Variants in TPRA1 observed in about 807,000 individuals in gnomAD.
TPRA1 encodes the protein transmembrane protein adipocyte associated 1.
TPRA1 carries 28 observed loss-of-function variants against 40.1 expected under a neutral mutation model. That is an observed-to-expected ratio of 0.70 (90% confidence interval 0.52 to 0.96). The LOEUF (loss-of-function observed/expected upper bound fraction) is 0.96. Among genes scored for constraint, TPRA1 ranks in the 40% least tolerant of loss-of-function variants. The pLI, the probability that TPRA1 is intolerant of heterozygous loss-of-function variation, is 0.00. For missense variants in TPRA1, 441 were observed against 482.6 expected, an observed-to-expected ratio of 0.91 and a Z score of 0.81; for synonymous variants, 219 against 209.7, an observed-to-expected ratio of 1.04 and a Z score of -0.38.
intron 1 of TPRA1, among the ~76,000 whole-genome samples, chr3:127,581,389 T>C (rs2073826109): frequency 6.6e-6 from 1 of 151,932 alleles, no homozygotes; most frequent in African/African-American, 2.4e-5. Context: ...CTCTCAGAAG[T>C]GATATAGCGT....
chr3:127,575,055 T>A, intron 10 of TPRA1, 130 bp downstream of exon 10: 3 of 959,008 alleles, frequency 3.1e-6, no homozygotes, highest in South Asian at 1.6e-5. Flanking sequence ...CCCAAGTGCA[T>A]GTATGTATGT....
intron 1 of TPRA1, among the ~76,000 whole-genome samples, chr3:127,584,930 T>C (rs903799726): frequency 2.0e-5 from 3 of 152,006 alleles, no homozygotes; most frequent in African/African-American, 4.8e-5. Flanking sequence ...GATACGACAG[T>C]GGGAGCAAGA....
intron 10 of TPRA1, 73 bp from the exon 11 acceptor site, chr3:127,573,861 G>A (rs2073470978): frequency 2.7e-6 from 4 of 1,490,148 alleles, no homozygotes; most frequent in African/African-American, 1.4e-5. Context: ...CCAGGCTGAT[G>A]GGGCCACCAG....
upstream of TPRA1, among the ~76,000 whole-genome samples, chr3:127,593,984 G>A (rs116112193): frequency 5.0e-3 from 760 of 152,342 alleles, 6 homozygotes; most frequent in African/African-American, 0.017. Context: ...CCATCTGAAC[G>A]TCTTGCAGAA....
chr3:127,577,097 G>T, intron 3 of TPRA1, 21 bp from the exon 4 acceptor site: 1 of 1,612,306 alleles, frequency 6.2e-7, no homozygotes, highest in East Asian at 2.2e-5. Context: ...AGGGAGTGGT[G>T]TGGCAGTCAG....
Position 127,580,027 on chromosome 3 carries a change from G to C in TPRA1, c.120C>G (p.Thr40=). Residue 40 remains threonine (T), a synonymous_variant, in exon 2 of 11, where the codon ACC becomes ACG. Coordinates refer to ENST00000355552, the MANE Select transcript of TPRA1 (RefSeq NM_001136053.4). ...CAGCGTTGTGACTGCCTCACCTGGA[G>C]GTGCCAATGTCTTCGTAGAGCAGCA... ...CLLLLYEDIG[T]SRVRYWDLLL... 6.2e-7 allele frequency: 1 copy of C among 1,613,624 alleles called. No individual in the cohort carries two copies. Among genetic ancestry groups the C allele is most frequent in the Non-Finnish European group, 8.5e-7 (1 of 1,180,012 alleles).
intron 3 of TPRA1, among the ~76,000 whole-genome samples, chr3:127,578,512 A>C (rs1013410009): frequency 1.3e-5 from 2 of 152,232 alleles, no homozygotes; most frequent in African/African-American, 4.8e-5. Context: ...CTGGACATTT[A>C]GCCCTGGCTC....
At chr3:127,591,565 G>A (rs1346852911), upstream of TPRA1, among the ~76,000 whole-genome samples, 1 of 152,174 alleles carries the variant, frequency 6.6e-6, no homozygotes, top group East Asian at 1.9e-4. Flanking sequence ...GCTGTTCCAA[G>A]CTTGTTCCTG....
chr3:127,577,827 T>G (rs1288442608), intron 3 of TPRA1, among the ~76,000 whole-genome samples: 3 of 152,186 alleles, frequency 2.0e-5, no homozygotes, highest in African/African-American at 7.2e-5. Context: ...TGTGTGCCAT[T>G]CCCCTGGCCT....
At chr3:127,596,985 G>A (rs187323065) in intron 1 of TPRA1, among the ~76,000 whole-genome samples, 19 of 152,206 alleles carry the variant, frequency 1.2e-4, no homozygotes, top group African/African-American at 4.3e-4. Flanking sequence ...GCACAATGGC[G>A]TGCATCTCTA....
At chr3:127,580,319 A>G in intron 1 of TPRA1, 156 bp from the exon 2 acceptor site, 1 of 782,782 alleles carries the variant, frequency 1.3e-6, no homozygotes, top group Non-Finnish European at 2.0e-6. Flanking sequence ...GGGGCTCCAC[A>G]CAGGTCACGA....
chr3:127,579,905 C>T (rs767972471), intron 2 of TPRA1, 33 bp from the exon 3 acceptor site: 79 of 1,611,420 alleles, frequency 4.9e-5, no homozygotes, highest in Middle Eastern at 1.7e-4. Flanking sequence ...GGCTCACTGG[C>T]GAGGCCACAT....
rs767820847 is a variant in TPRA1, at chr3:127,575,473, G to C, written c.703C>G (p.Leu235Val). ...RRSFYVYAGILALLNLLQGLG... is the reference protein window; with the variant it reads ...RRSFYVYAGIVALLNLLQGLG... ...CCCTGCAGTAGGTTGAGCAGTGCCAGGATGCCCGCATACACGTAGAAGCTC... is the reference window on the plus strand; with the variant it reads ...CCCTGCAGTAGGTTGAGCAGTGCCACGATGCCCGCATACACGTAGAAGCTC... The change falls in exon 9 of 11, where the codon CTG becomes GTG. Residue 235 changes from leucine (L) to valine (V), a missense_variant. Transcript: ENST00000355552. 1.9e-6 allele frequency: 3 copies of C among 1,599,620 alleles called. No individual in the cohort carries two copies. Among genetic ancestry groups the C allele is most frequent in the Non-Finnish European group, 2.6e-6 (3 of 1,173,412 alleles).
chr3:127,577,183 G>A (rs976312751), intron 3 of TPRA1, 107 bp from the exon 4 acceptor site: 6 of 1,171,058 alleles, frequency 5.1e-6, no homozygotes, highest in South Asian at 2.6e-5. Flanking sequence ...TCCTGAGGTC[G>A]GAAAGGAGGA....
rs1242507014 is a variant in TPRA1, at chr3:127,576,113, T to C, written c.499-63A>G. 4.4e-6 allele frequency: 6 copies of C among 1,358,466 alleles called. No homozygotes were observed. Among genetic ancestry groups the C allele is most frequent in the Non-Finnish European group, 6.2e-6 (6 of 960,744 alleles). 84.2% of individuals were successfully genotyped at this position (1,358,466 alleles called of 1,614,324 possible). On this transcript the variant is annotated intron_variant, in intron 6 of 10. Coordinates refer to ENST00000355552, the MANE Select transcript of TPRA1 (RefSeq NM_001136053.4). The surrounding 1 kb of genome is among the most constrained non-coding windows in gnomAD (Gnocchi z 4.6). ...CTCAAGGCTTCTCTCTCCCAGGGGCTTTCCCTGATGCAAAGCCCCCTAAGC... is the reference window on the plus strand; with the variant it reads ...CTCAAGGCTTCTCTCTCCCAGGGGCCTTCCCTGATGCAAAGCCCCCTAAGC...
At chr3:127,589,606 C>T (rs963170638) in intron 1 of TPRA1, among the ~76,000 whole-genome samples, 1 of 152,100 alleles carries the variant, frequency 6.6e-6, no homozygotes, top group African/African-American at 2.4e-5. Flanking sequence ...TGCACCTTGC[C>T]CTCCCTGCTT....
intron 1 of TPRA1, among the ~76,000 whole-genome samples, chr3:127,588,479 G>A (rs1055885480): frequency 6.7e-6 from 1 of 148,418 alleles, no homozygotes; most frequent in Non-Finnish European, 1.5e-5. Context: ...GGAGTGCAAT[G>A]GTGCGATCTT....
intron 3 of TPRA1, among the ~76,000 whole-genome samples, chr3:127,579,190 T>C (rs1308197831): frequency 6.6e-6 from 1 of 152,176 alleles, no homozygotes; most frequent in South Asian, 2.1e-4. Flanking sequence ...TCCCAGCAAG[T>C]AAGATGTCTT....
chr3:127,586,396 G>A (rs1415082584), intron 1 of TPRA1, among the ~76,000 whole-genome samples: 1 of 152,174 alleles, frequency 6.6e-6, no homozygotes, highest in African/African-American at 2.4e-5. Context: ...CCAGGCTAGA[G>A]TGCAGTGGTG....
Sources: gnomAD v4.1 joint callset for allele counts (sites outside exome capture counted in the v4.1 genomes callset) on GRCh38, gnomAD v4.1.1 for gene constraint, Gnocchi (gnomAD v3.1) non-coding constraint, MANE v1.5 for transcripts, NCBI Gene and HGNC (gene_info 2026-07-23, HGNC 2026-07-21) for gene names.